Variants in PLEKHD1 observed in about 807,000 individuals in gnomAD.
PLEKHD1 encodes pleckstrin homology domain-containing family D member 1.
Under a neutral mutation model 69.2 loss-of-function variants are expected in PLEKHD1, and 51 were observed. The observed-to-expected ratio is 0.74, with a 90% CI of 0.59 to 0.93. PLEKHD1 has a LOEUF of 0.93. Among genes scored for constraint, PLEKHD1 ranks in the 40% least tolerant of loss-of-function variants. The pLI is 0.00. For synonymous variants in PLEKHD1, 236 were observed against 244.7 expected (o/e 0.96, Z 0.33); for missense variants, 584 against 641.0 (o/e 0.91, Z 0.96).
chr14:69,512,739 AG>A lies in PLEKHD1; in HGVS notation c.556-9542del, dbSNP rs577070069. ...TTCTAGCACAATTCCACTTTGGTTTAGGAGCAGACATTACATGATTTCTATT... is the reference window on the plus strand; with the variant it reads ...TTCTAGCACAATTCCACTTTGGTTTAGAGCAGACATTACATGATTTCTATT... On this transcript the variant is annotated intron_variant, in intron 6 of 12. Transcript: ENST00000322564. Among the ~76,000 whole-genome samples, 287 of 152,206 alleles carry A rather than the reference AG, an allele frequency of 1.9e-3. 1 individual carries two copies. Among genetic ancestry groups the A allele is most frequent in the Middle Eastern group, 0.014 (4 of 294 alleles).
At chr14:69,493,714 G>C (rs527831720) in intron 1 of PLEKHD1, among the ~76,000 whole-genome samples, 14 of 152,330 alleles carry the variant, frequency 9.2e-5, no homozygotes, top group Non-Finnish European at 1.5e-4. Context: ...CTCTTAGCAA[G>C]GTGAGTGTCC....
chr14:69,504,557 T>C (rs1487693254), intron 6 of PLEKHD1, among the ~76,000 whole-genome samples: 1 of 152,228 alleles, frequency 6.6e-6, no homozygotes, highest in Non-Finnish European at 1.5e-5. Context: ...AATGAATTAG[T>C]AAATGAATGG....
At chr14:69,473,292 A>G in the PLEKHD1 span, among the ~76,000 whole-genome samples, 1 of 152,150 alleles carries the variant, frequency 6.6e-6, no homozygotes, top group African/African-American at 2.4e-5. Context: ...AACAAGGACA[A>G]AATTGCCTAA....
At chr14:69,469,102 C>T in the PLEKHD1 span, among the ~76,000 whole-genome samples, 1 of 151,968 alleles carries the variant, frequency 6.6e-6, no homozygotes, top group African/African-American at 2.4e-5. Flanking sequence ...AGAAAGATAC[C>T]CTGAGAGAAG....
upstream of PLEKHD1, among the ~76,000 whole-genome samples, chr14:69,484,247 TTC>T (rs1231972430): frequency 6.6e-6 from 1 of 152,174 alleles, no homozygotes; most frequent in Non-Finnish European, 1.5e-5. Flanking sequence ...GCATCGCCAC[TTC>T]ACTGGGGAGA....
intron 12 of PLEKHD1, 97 bp downstream of exon 12, chr14:69,528,029 A>G: frequency 1.3e-6 from 2 of 1,529,786 alleles, no homozygotes; most frequent in Non-Finnish European, 1.8e-6. Context: ...CTGAGGCTGG[A>G]GAGTGTGGCC....
At chr14:69,469,179 CAGAGAG>C in the PLEKHD1 span, among the ~76,000 whole-genome samples, 3 of 149,520 alleles carry the variant, frequency 2.0e-5, no homozygotes, top group Non-Finnish European at 4.5e-5. Flanking sequence ...CACATGTACA[CAGAGAG>C]AGAGAGAGAG....
In PLEKHD1 at chr14:69,526,087, G is replaced by A. The variant is rs1369992375; in HGVS notation, c.888G>A (p.Gln296=). 1.9e-6 allele frequency: 3 copies of A among 1,551,530 alleles called. No individual in the cohort carries two copies. Among genetic ancestry groups the A allele is most frequent in the Admixed American group, 3.9e-5 (2 of 50,988 alleles). The change falls in exon 9 of 13, where the codon CAG becomes CAA. Residue 296 remains glutamine, a synonymous_variant. Coordinates refer to ENST00000322564, the MANE Select transcript of PLEKHD1 (RefSeq NM_001161498.2). ...TCCGGCAGATCGAGGAGAAGATGCA[G>A]CAGCTCTTAGAGGAGAAGCTCCTGG... is the stretch of plus-strand genomic sequence containing the variant. The part of the protein sequence containing the change: ...SNLRQIEEKM[Q]QLLEEKLLAE...
At chr14:69,471,736 G>C in the PLEKHD1 span, among the ~76,000 whole-genome samples, 1 of 152,096 alleles carries the variant, frequency 6.6e-6, no homozygotes, top group Non-Finnish European at 1.5e-5. Flanking sequence ...CATGCCAAAG[G>C]TGCCTAACAG....
chr14:69,474,223 T>C, the PLEKHD1 span, among the ~76,000 whole-genome samples: 1 of 152,136 alleles, frequency 6.6e-6, no homozygotes, highest in African/African-American at 2.4e-5. Flanking sequence ...ACCAAGGAAG[T>C]TAGAGTCTCA....
chr14:69,493,301 G>A (rs891705587), intron 1 of PLEKHD1, among the ~76,000 whole-genome samples: 3 of 152,212 alleles, frequency 2.0e-5, no homozygotes, highest in African/African-American at 7.2e-5. Flanking sequence ...ATGTAATGAG[G>A]AGGACCAGGC....
intron 4 of PLEKHD1, 83 bp downstream of exon 4, chr14:69,501,030 T>A: frequency 3.7e-6 from 5 of 1,369,480 alleles, no homozygotes; most frequent in Non-Finnish European, 5.1e-6. Flanking sequence ...GCCTCTCTGC[T>A]GGGATCCTGG....
At chr14:69,472,182 C>T in the PLEKHD1 span, among the ~76,000 whole-genome samples, 2 of 152,128 alleles carry the variant, frequency 1.3e-5, no homozygotes, top group Admixed American at 6.5e-5. Context: ...CACACACAGG[C>T]GGCACACCCA....
chr14:69,485,222 C>A (rs966462860), intron 1 of PLEKHD1, 108 bp downstream of exon 1: 10 of 1,243,598 alleles, frequency 8.0e-6, no homozygotes, highest in Non-Finnish European at 1.1e-5. Flanking sequence ...CCTGTGTGAC[C>A]TTGGCGTCAC....
chr14:69,483,772 C>G (rs1882590797), upstream of PLEKHD1, among the ~76,000 whole-genome samples: 1 of 152,264 alleles, frequency 6.6e-6, no homozygotes, highest in African/African-American at 2.4e-5. Context: ...GGCGGGCGGC[C>G]GCTCACTGCG....
chr14:69,471,240 G>A, the PLEKHD1 span, among the ~76,000 whole-genome samples: 10 of 151,460 alleles, frequency 6.6e-5, no homozygotes, highest in South Asian at 2.1e-3. Context: ...TGAGTAGCTG[G>A]GACCACAGGC....
At chr14:69,473,762 C>T in the PLEKHD1 span, among the ~76,000 whole-genome samples, 6 of 152,194 alleles carry the variant, frequency 3.9e-5, no homozygotes, top group East Asian at 7.7e-4. Flanking sequence ...AGAAGGGGAT[C>T]GAGGGGGAGA....
chr14:69,525,460 G>C (rs1403639611), intron 8 of PLEKHD1, among the ~76,000 whole-genome samples: 5 of 152,098 alleles, frequency 3.3e-5, no homozygotes, highest in African/African-American at 1.2e-4. Context: ...GATAAATGGA[G>C]AGGACATCTT....
intron 6 of PLEKHD1, chr14:69,503,631 C>T (rs1883081282): frequency 7.1e-6 from 1 of 140,390 alleles, no homozygotes; most frequent in African/African-American, 2.8e-5. Flanking sequence ...GCGGAGCTTG[C>T]AGTGAGCCGA....
Sources: gnomAD v4.1 joint callset for allele counts (sites outside exome capture counted in the v4.1 genomes callset) on GRCh38, gnomAD v4.1.1 for gene constraint, MANE v1.5 for transcripts, NCBI Gene and HGNC (gene_info 2026-07-23, HGNC 2026-07-21) for gene names.